RAB27A: variants seen among roughly 807,000 people sequenced by gnomAD.
RAB27A encodes ras-related protein Rab-27A.
Under a neutral mutation model 20.8 loss-of-function variants are expected in RAB27A, and 17 were observed. The observed-to-expected ratio is 0.82, with a 90% CI of 0.56 to 1.23. RAB27A has a LOEUF of 1.23. RAB27A is among the 50% of genes most tolerant of loss of function. RAB27A has a pLI of 0.00. For synonymous variants in RAB27A, 85 were observed against 92.8 expected, an observed-to-expected ratio of 0.92 and a Z score of 0.48; for missense variants, 277 against 266.7, an observed-to-expected ratio of 1.04 and a Z score of -0.27.
chr15:55,287,283 T>C (rs903162728), intron 1 of RAB27A, among the ~76,000 whole-genome samples: 7 of 152,102 alleles, frequency 4.6e-5, no homozygotes, highest in African/African-American at 1.7e-4. Context: ...GTGTTTGGTG[T>C]GAGCATCTGG....
At chr15:55,252,281 A>G (rs1158033637) in intron 2 of RAB27A, among the ~76,000 whole-genome samples, 3 of 152,202 alleles carry the variant, frequency 2.0e-5, no homozygotes, top group Non-Finnish European at 2.9e-5. Flanking sequence ...TGATGGGTGC[A>G]CTAAAATCTC....
chr15:55,241,762 C>G (rs1454835160), intron 2 of RAB27A, among the ~76,000 whole-genome samples: 2 of 150,626 alleles, frequency 1.3e-5, no homozygotes, highest in Non-Finnish European at 2.9e-5. Flanking sequence ...AAGATATGCT[C>G]ACATCACTAC....
intron 2 of RAB27A, among the ~76,000 whole-genome samples, chr15:55,249,607 G>A (rs1043533247): frequency 1.3e-5 from 2 of 152,088 alleles, no homozygotes; most frequent in Non-Finnish European, 2.9e-5. Context: ...AATGTTCCAC[G>A]ATTATGTGAA....
intron 2 of RAB27A, among the ~76,000 whole-genome samples, chr15:55,304,639 T>A (rs1192239542): frequency 6.6e-6 from 1 of 152,194 alleles, no homozygotes; most frequent in East Asian, 1.9e-4. Flanking sequence ...GTGCATGGCT[T>A]ATTTCGTAAT....
chr15:55,228,312 T>C (rs552296891), intron 5 of RAB27A, among the ~76,000 whole-genome samples: 3 of 152,192 alleles, frequency 2.0e-5, no homozygotes, highest in African/African-American at 4.8e-5. Context: ...TACTTCCTCA[T>C]CTACGAAATG....
At chr15:55,309,737 G>C (rs2055012212) in intron 2 of RAB27A, among the ~76,000 whole-genome samples, 1 of 152,168 alleles carries the variant, frequency 6.6e-6, no homozygotes, top group East Asian at 1.9e-4. Flanking sequence ...AGGTACAGCT[G>C]GGTGTAGATG....
At chr15:55,262,840 C>T (rs1449390980) in intron 2 of RAB27A, among the ~76,000 whole-genome samples, 1 of 151,998 alleles carries the variant, frequency 6.6e-6, no homozygotes, top group Non-Finnish European at 1.5e-5. Flanking sequence ...TAGGTGTGAG[C>T]CACCACGCCC....
chr15:55,288,321 G>T (rs1034616171), intron 1 of RAB27A, among the ~76,000 whole-genome samples: 1 of 152,032 alleles, frequency 6.6e-6, no homozygotes, highest in Non-Finnish European at 1.5e-5. Flanking sequence ...AGGAGTTCAA[G>T]ACCAGCCTGG....
intron 5 of RAB27A, among the ~76,000 whole-genome samples, chr15:55,224,896 TTCA>T (rs1895735258): frequency 6.6e-6 from 1 of 152,200 alleles, no homozygotes; most frequent in African/African-American, 2.4e-5. Context: ...TGAAGTAGTG[TTCA>T]TCATATCTTA....
chr15:55,228,566 G>A (rs755197872), intron 5 of RAB27A, 43 bp downstream of exon 5: 12 of 1,391,394 alleles, frequency 8.6e-6, no homozygotes, highest in African/African-American at 2.8e-5. Context: ...CTATAAATAA[G>A]AGGGGACTGT....
chr15:55,254,148 G>C (rs2141045631), intron 2 of RAB27A, among the ~76,000 whole-genome samples: 1 of 152,234 alleles, frequency 6.6e-6, no homozygotes, highest in Middle Eastern at 3.4e-3. Context: ...TATAAAGTTA[G>C]ACTTTATATA....
chr15:55,305,640 C>T (rs895370478), intron 2 of RAB27A, among the ~76,000 whole-genome samples: 6 of 152,190 alleles, frequency 3.9e-5, no homozygotes, highest in African/African-American at 1.4e-4. Flanking sequence ...ATTTAACTTT[C>T]TTGGTGACAA....
At chr15:55,213,452 C>G (rs1368549155) in intron 6 of RAB27A, among the ~76,000 whole-genome samples, 4 of 152,284 alleles carry the variant, frequency 2.6e-5, no homozygotes. Flanking sequence ...TACTAAGAAG[C>G]ATATTTAGAT....
chr15:55,303,821 C>T (rs1487694893), intron 2 of RAB27A, among the ~76,000 whole-genome samples: 3 of 133,132 alleles, frequency 2.3e-5, no homozygotes, highest in African/African-American at 9.3e-5. Context: ...CCAGCCGCCC[C>T]GTCCGGGAGG....
chr15:55,282,801 C>T (rs1898050314), intron 1 of RAB27A, among the ~76,000 whole-genome samples: 1 of 152,224 alleles, frequency 6.6e-6, no homozygotes, highest in African/African-American at 2.4e-5. Flanking sequence ...AGGGTCCACT[C>T]CTCTCCTATG....
intron 2 of RAB27A, among the ~76,000 whole-genome samples, chr15:55,309,832 G>A (rs190063613): frequency 6.8e-4 from 104 of 152,202 alleles, no homozygotes; most frequent in Non-Finnish European, 1.5e-5. Context: ...TTGTAGTATT[G>A]CAGGGGCTAC....
chr15:55,234,401 G>A (rs1332211022), intron 3 of RAB27A, among the ~76,000 whole-genome samples: 1 of 152,104 alleles, frequency 6.6e-6, no homozygotes, highest in Non-Finnish European at 1.5e-5. Context: ...TAGGAGAAAT[G>A]CCATTAAAAA....
chr15:55,269,474 C>CGG (rs1365491902), intron 2 of RAB27A, among the ~76,000 whole-genome samples: 13 of 152,134 alleles, frequency 8.5e-5, no homozygotes, highest in African/African-American at 3.1e-4. Context: ...AGGCCGGGCA[C>CGG]GGTGGCTCAT....
chr15:55,228,537 T>G (rs1448484442), intron 5 of RAB27A, 72 bp downstream of exon 5: 3 of 1,144,538 alleles, frequency 2.6e-6, no homozygotes, highest in Non-Finnish European at 4.0e-6. Context: ...GTCACAGAAG[T>G]AGAGCATAAG....
Sources: allele counts gnomAD v4.1 joint callset (sites outside exome capture counted in the v4.1 genomes callset), GRCh38; gene constraint gnomAD v4.1.1; transcripts MANE v1.5; gene names NCBI Gene and HGNC (gene_info 2026-07-23, HGNC 2026-07-21).